The following MSI2 variants were observed in gnomAD, a reference collection of about 807,000 sequenced individuals.
MSI2 encodes musashi RNA binding protein 2, also known as RNA-binding protein Musashi homolog 2.
A neutral mutation model predicts 45.6 loss-of-function variants in MSI2; 17 were observed. The observed-to-expected ratio is 0.37, with a 90% CI of 0.26 to 0.56. MSI2 has a LOEUF of 0.56. Ranked by LOEUF, MSI2 falls within the 20% of genes least tolerant of loss-of-function variation. The pLI, the probability that MSI2 is intolerant of heterozygous loss-of-function variation, is 0.77. For synonymous variants in MSI2, 156 were observed against 158.2 expected (o/e 0.99, Z 0.11); for missense variants, 293 against 444.2 (o/e 0.66, Z 3.06).
chr17:57,483,026 C>T (rs893784100), intron 6 of MSI2, among the ~76,000 whole-genome samples: 8 of 152,160 alleles, frequency 5.3e-5, no homozygotes, highest in African/African-American at 1.9e-4. Flanking sequence ...ACAACAATAA[C>T]CTAATCCAAT....
At chr17:57,547,162 T>C (rs905383165) in intron 7 of MSI2, among the ~76,000 whole-genome samples, 21 of 152,082 alleles carry the variant, frequency 1.4e-4, no homozygotes, top group African/African-American at 4.8e-4. Context: ...AAGGAACTGA[T>C]TGATGTGTTG....
intron 5 of MSI2, among the ~76,000 whole-genome samples, chr17:57,268,833 TCAAACAAACAAA>T (rs375379200): frequency 6.6e-6 from 1 of 151,898 alleles, no homozygotes; most frequent in Non-Finnish European, 1.5e-5. Context: ...AGACTCCATC[TCAAACAAACAAA>T]CAAACAAACA....
intron 5 of MSI2, among the ~76,000 whole-genome samples, chr17:57,397,423 G>A (rs958349000): frequency 6.6e-5 from 10 of 152,204 alleles, no homozygotes; most frequent in Admixed American, 5.2e-4. Context: ...CCATGCATGT[G>A]CATATACATG....
chr17:57,667,000 CCTGT>C, intron 11 of MSI2, among the ~76,000 whole-genome samples: 1 of 152,312 alleles, frequency 6.6e-6, no homozygotes, highest in Non-Finnish European at 1.5e-5. Context: ...CAGCAAGCTC[CCTGT>C]CTATTTCCTG....
chr17:57,313,594 A>C (rs1466309998), intron 5 of MSI2, among the ~76,000 whole-genome samples: 1 of 152,192 alleles, frequency 6.6e-6, no homozygotes, highest in Non-Finnish European at 1.5e-5. Flanking sequence ...AACAATGATT[A>C]TTCTTGGCTG....
At chr17:57,427,132 C>T (rs576874363) in intron 6 of MSI2, among the ~76,000 whole-genome samples, 2 of 152,316 alleles carry the variant, frequency 1.3e-5, no homozygotes, top group South Asian at 2.1e-4. Context: ...CGTGGTGGCT[C>T]ACATCTGTAA....
intron 7 of MSI2, among the ~76,000 whole-genome samples, chr17:57,586,331 T>A (rs1199211872): frequency 1.3e-5 from 2 of 152,176 alleles, no homozygotes; most frequent in Admixed American, 1.3e-4. Flanking sequence ...GAAAAATGGT[T>A]TGAGGATGGT....
intron 6 of MSI2, among the ~76,000 whole-genome samples, chr17:57,463,990 CGT>C (rs58522672): frequency 0.25 from 37,128 of 145,996 alleles, 4,814 homozygotes; most frequent in East Asian, 0.3. Flanking sequence ...GTTTAATGAA[CGT>C]GTGTGTGTGT....
Position 57,471,451 on chromosome 17 carries a change from C to T in MSI2, c.406-58225C>T, listed in dbSNP as rs557413262. Among the ~76,000 whole-genome samples the T allele has an allele frequency of 6.4e-4, 98 of 151,980 alleles. 1 individual carries two copies. The highest frequency in any genetic ancestry group is 2.3e-3 in the South Asian group (11 of 4,808). ...GATTACAGGCGGCTGCCACCATGCC[C>T]GGCTAATTTTTGTATTTTTAGTAGA... is the stretch of plus-strand genomic sequence containing the variant. On this transcript the variant is annotated intron_variant, in intron 6 of 13. Transcript: ENST00000284073.
intron 7 of MSI2, among the ~76,000 whole-genome samples, chr17:57,585,768 C>G (rs771547360): frequency 3.3e-5 from 5 of 152,230 alleles, no homozygotes; most frequent in Non-Finnish European, 5.9e-5. Context: ...TCAGAAAGCC[C>G]TGAGTTGAGA....
chr17:57,614,199 T>C (rs1270073418), intron 8 of MSI2, among the ~76,000 whole-genome samples: 1 of 152,092 alleles, frequency 6.6e-6, no homozygotes, highest in Admixed American at 6.5e-5. Flanking sequence ...TACAGGAGCA[T>C]GCCACCACAC....
intron 10 of MSI2, among the ~76,000 whole-genome samples, chr17:57,650,237 TCCGTGCTTC>T (rs1179915884): frequency 6.6e-6 from 1 of 151,852 alleles, no homozygotes; most frequent in African/African-American, 2.4e-5. Context: ...CCCAAGTCTT[TCCGTGCTTC>T]CAAGGAAACC....
intron 5 of MSI2, among the ~76,000 whole-genome samples, chr17:57,384,138 T>G (rs2083645726): frequency 6.6e-6 from 1 of 152,236 alleles, no homozygotes; most frequent in Non-Finnish European, 1.5e-5. Flanking sequence ...GTGGAACAAA[T>G]TACCCTCAAA....
intron 5 of MSI2, among the ~76,000 whole-genome samples, chr17:57,346,786 T>C (rs1206289480): frequency 1.3e-5 from 2 of 152,104 alleles, no homozygotes; most frequent in African/African-American, 4.8e-5. Flanking sequence ...TTTCTATTTT[T>C]TGTAGCGATG....
chr17:57,617,193 A>G (rs565502778), intron 9 of MSI2, among the ~76,000 whole-genome samples: 1 of 152,374 alleles, frequency 6.6e-6, no homozygotes, highest in African/African-American at 2.4e-5. Context: ...AAAAGATGCC[A>G]GGAGAATATT....
At chr17:57,533,286 T>C (rs940404475) in intron 7 of MSI2, among the ~76,000 whole-genome samples, 6 of 152,196 alleles carry the variant, frequency 3.9e-5, no homozygotes, top group Non-Finnish European at 7.3e-5. Context: ...CCGCAATGTA[T>C]GTCTTCCACC....
At chr17:57,441,494 C>G (rs1007564439) in intron 6 of MSI2, among the ~76,000 whole-genome samples, 2 of 152,168 alleles carry the variant, frequency 1.3e-5, no homozygotes, top group Non-Finnish European at 2.9e-5. Context: ...TATAGACAGA[C>G]CTCTGCACTC....
At chr17:57,549,312 CTTTTT>C (rs33917812) in intron 7 of MSI2, among the ~76,000 whole-genome samples, 4 of 124,280 alleles carry the variant, frequency 3.2e-5, no homozygotes, top group Non-Finnish European at 3.3e-5. Flanking sequence ...CCCCACTGCC[CTTTTT>C]TTTTTTTTTT....
At chr17:57,597,657 G>A (rs8066591) in intron 8 of MSI2, among the ~76,000 whole-genome samples, 10,603 of 152,012 alleles carry the variant, frequency 0.07, 622 homozygotes, top group East Asian at 0.17. Flanking sequence ...AAATGTAAAA[G>A]CCGTTCTCAA....
Sources: allele counts gnomAD v4.1 joint callset (sites outside exome capture counted in the v4.1 genomes callset), GRCh38; gene constraint gnomAD v4.1.1; transcripts MANE v1.5; gene names NCBI Gene and HGNC (gene_info 2026-07-23, HGNC 2026-07-21).